Variants in MAPK8IP3 observed in about 807,000 individuals in gnomAD.
The protein encoded by MAPK8IP3 is C-Jun-amino-terminal kinase-interacting protein 3.
Under a neutral mutation model 157.8 loss-of-function variants are expected in MAPK8IP3, and 49 were observed. That is an observed-to-expected ratio of 0.31 (90% confidence interval 0.25 to 0.39). The LOEUF is 0.39. Among genes scored for constraint, MAPK8IP3 ranks in the 10% least tolerant of loss-of-function variants. MAPK8IP3 has a pLI of 1.00. For synonymous variants in MAPK8IP3, 897 were observed against 777.7 expected (o/e 1.15, Z -2.55); for missense variants, 1,478 against 1,889.4 (o/e 0.78, Z 4.04).
In MAPK8IP3 at chr16:1,742,851, G is replaced by A. The variant is rs1567177455; in HGVS notation, c.603-481G>A. 1.3e-5 allele frequency among the ~76,000 whole-genome samples: 2 copies of A among 152,102 alleles called. No individual in the cohort carries two copies. The highest frequency in any genetic ancestry group is 1.5e-5 in the Non-Finnish European group (1 of 68,024). Reference sequence around the variant, plus strand: ...TTAAAATTGAACTTAGGCCGGGCGCGGTGGCTCACGCCTGTAATCCCAGCA... The same window carrying A: ...TTAAAATTGAACTTAGGCCGGGCGCAGTGGCTCACGCCTGTAATCCCAGCA... On this transcript the variant is annotated intron_variant, in intron 4 of 31. Transcript: ENST00000610761. This position sits in a 1 kb window ranked among gnomAD's most constrained non-coding sequence, Gnocchi z 5.0.
intron 5 of MAPK8IP3, chr16:1,744,964 T>C: frequency 2.0e-6 from 2 of 984,872 alleles, no homozygotes; most frequent in South Asian, 9.4e-5. Flanking sequence ...TGTTTTTATG[T>C]ACTGTATTTT....
In MAPK8IP3 at chr16:1,767,129, G is replaced by A. The variant is rs2042317627; in HGVS notation, c.3089-20G>A. 6 of 1,612,346 alleles carry A rather than the reference G, an allele frequency of 3.7e-6. No individual in the cohort carries two copies. Among genetic ancestry groups the A allele is most frequent in the Non-Finnish European group, 4.2e-6 (5 of 1,179,592 alleles). On this transcript the variant is annotated intron_variant, in intron 25 of 31. Coordinates refer to ENST00000610761, the MANE Select transcript of MAPK8IP3 (RefSeq NM_001318852.2). ...GTGGGGCCTGGCCAGGCCTGAGCAG[G>A]TGTCCGGGGCTCCCTCCAGATGGCC... is the stretch of plus-strand genomic sequence containing the variant.
intron 1 of MAPK8IP3, among the ~76,000 whole-genome samples, chr16:1,714,684 G>T (rs927435331): frequency 6.6e-6 from 1 of 152,002 alleles, no homozygotes; most frequent in Admixed American, 6.6e-5. Context: ...CCAGATATAC[G>T]CACAGTCCCA....
chr16:1,761,333 C>G, intron 13 of MAPK8IP3, 28 bp downstream of exon 13: 2 of 1,595,016 alleles, frequency 1.3e-6, no homozygotes, highest in Non-Finnish European at 1.7e-6. Flanking sequence ...TCTTCACATG[C>G]GGGGCGTCCA....
Position 1,743,674 on chromosome 16 carries a change from T to C in MAPK8IP3, c.747+198T>C. 1 of 1,416,372 alleles carries C rather than the reference T, an allele frequency of 7.1e-7. No homozygotes were observed. The highest frequency in any genetic ancestry group is 9.1e-7 in the Non-Finnish European group (1 of 1,093,948). The allele number at this position is 1,416,372 out of a possible 1,614,324, so 87.7% of individuals were successfully genotyped here. On this transcript the variant is annotated intron_variant, in intron 5 of 31. Transcript: ENST00000610761. The surrounding 1 kb of genome is among the most constrained non-coding windows in gnomAD (Gnocchi z 5.6). ...CTGCCCAGCAGGCCCTGTGTGGCTG[T>C]GGCTGTTCCACGCGGCCTCGTGTCG...
intron 8 of MAPK8IP3, among the ~76,000 whole-genome samples, chr16:1,750,097 T>C (rs1295423145): frequency 2.0e-5 from 3 of 152,184 alleles, no homozygotes; most frequent in Non-Finnish European, 4.4e-5. Context: ...TGCAAAAATA[T>C]ATATAAAAAA....
Position 1,706,607 on chromosome 16 carries a change from C to T in MAPK8IP3, c.268C>T (p.Leu90=). ...GCTGCTGCGCGAGGACAACGAGCAG[C>T]TGCTCACCCAGTACGAGCGTGAGAA... ...LELLREDNEQ[L]LTQYEREKAL... The change falls in exon 1 of 32, where the codon CTG becomes TTG. Residue 90 remains leucine, a synonymous_variant. Coordinates refer to ENST00000610761, the MANE Select transcript of MAPK8IP3 (RefSeq NM_001318852.2). The surrounding 1 kb of genome is among the most constrained non-coding windows in gnomAD (Gnocchi z 5.1). The T allele has an allele frequency of 6.2e-7, 1 of 1,600,520 alleles. No individual in the cohort carries two copies. The highest frequency in any genetic ancestry group is 8.5e-7 in the Non-Finnish European group (1 of 1,173,958).
intron 2 of MAPK8IP3, among the ~76,000 whole-genome samples, chr16:1,726,519 A>G (rs925918969): frequency 6.6e-6 from 1 of 152,162 alleles, no homozygotes; most frequent in African/African-American, 2.4e-5. Context: ...TACAAAAAAT[A>G]CAAAAATTAG....
In MAPK8IP3 at chr16:1,751,172, G is replaced by A. The variant is rs1438835733; in HGVS notation, c.1216+2452G>A. ...GTCCCCATTTATAGATGAAGAAACT[G>A]AGGCCGGGCACAGTGGCTCATGCCC... is the stretch of plus-strand genomic sequence containing the variant. On this transcript the variant is annotated intron_variant, in intron 8 of 31. Transcript: ENST00000610761. This position sits in a 1 kb window ranked among gnomAD's most constrained non-coding sequence, Gnocchi z 5.0. 6.6e-6 allele frequency among the ~76,000 whole-genome samples: 1 copy of A among 152,044 alleles called. No homozygotes were observed. The highest frequency in any genetic ancestry group is 1.9e-4 in the East Asian group (1 of 5,136).
rs186393402 is a variant in MAPK8IP3, at chr16:1,767,391, G to A, written c.3237+94G>A. The A allele has an allele frequency of 9.2e-5, 143 of 1,558,316 alleles. 1 individual carries two copies. The highest frequency in any genetic ancestry group is 1.1e-4 in the East Asian group (5 of 44,316). ...CATACGGAAGTCCACGAGGCCCTAC[G>A]TGGGTCCCATCTCCCCTGTACCACC... On this transcript the variant is annotated intron_variant, in intron 26 of 31. Transcript: ENST00000610761.
intron 4 of MAPK8IP3, among the ~76,000 whole-genome samples, chr16:1,737,137 TGTGACCATCC>T (rs1196959810): frequency 2.2e-5 from 2 of 90,922 alleles, no homozygotes; most frequent in African/African-American, 8.7e-5. Flanking sequence ...CGTGTGAGCA[TGTGACCATCC>T]GTGACCGTCC....
chr16:1,724,705 G>A lies in MAPK8IP3; in HGVS notation c.439+28G>A, dbSNP rs200561171. 53 of 1,604,508 alleles carry A rather than the reference G, an allele frequency of 3.3e-5. No homozygotes were observed. Among genetic ancestry groups the A allele is most frequent in the African/African-American group, 2.5e-4 (19 of 74,918 alleles). On this transcript the variant is annotated intron_variant, in intron 2 of 31. Transcript: ENST00000610761. The surrounding 1 kb of genome is among the most constrained non-coding windows in gnomAD (Gnocchi z 4.1). ...AAGTGGCTGGCGGGAGCCTGGAGGC[G>A]CGCTTGATGGGCGCTGCTCTGGGAC...
At chr16:1,764,909 A>T in intron 19 of MAPK8IP3, 104 bp from the exon 20 acceptor site, 1 of 1,148,472 alleles carries the variant, frequency 8.7e-7, no homozygotes, top group Non-Finnish European at 1.2e-6. Context: ...CTCAAGCTGT[A>T]GTCAAGGCTG....
chr16:1,709,753 G>A (rs1448168756), intron 1 of MAPK8IP3, among the ~76,000 whole-genome samples: 1 of 152,258 alleles, frequency 6.6e-6, no homozygotes, highest in Non-Finnish European at 1.5e-5. Flanking sequence ...GAGCCACCAC[G>A]TTTGCCGGGC....
At chr16:1,753,863 G>T (rs965620749) in intron 8 of MAPK8IP3, among the ~76,000 whole-genome samples, 2 of 151,980 alleles carry the variant, frequency 1.3e-5, no homozygotes, top group African/African-American at 4.8e-5. Context: ...GGAAAAAAAT[G>T]TACGTCTTAG....
At chr16:1,752,226 C>A in intron 8 of MAPK8IP3, 1 of 166,964 alleles carries the variant, frequency 6.0e-6, no homozygotes, top group South Asian at 1.1e-4. Context: ...GTGAGGCAGT[C>A]CTTTTCTCAT....
In MAPK8IP3 at chr16:1,768,885, G is replaced by A. The variant is rs562852845; in HGVS notation, c.*61G>A. ...ACCCCCGACCACCTGACCCCCGCCC[G>A]GCCCGCGGGGTAGCCAGCCAGGCGC... On this transcript the variant is annotated 3_prime_UTR_variant, in exon 32 of 32. Transcript: ENST00000610761. 417 of 1,582,102 alleles carry A rather than the reference G, an allele frequency of 2.6e-4. No individual in the cohort carries two copies. Among genetic ancestry groups the A allele is most frequent in the Non-Finnish European group, 3.2e-4 (372 of 1,164,588 alleles).
At position 1,716,095 on chromosome 16, in the gene MAPK8IP3, C is replaced by G. The variant is rs1035107628; in HGVS notation, c.319-8462C>G. Among the ~76,000 whole-genome samples the G allele has an allele frequency of 3.9e-5, 6 of 152,254 alleles. No individual in the cohort carries two copies. The East Asian group carries it at 9.7e-4, about 24-fold the overall frequency. On this transcript the variant is annotated intron_variant, in intron 1 of 31. Coordinates refer to ENST00000610761, the MANE Select transcript of MAPK8IP3 (RefSeq NM_001318852.2). ...CATGGGTTGTGAAAGTTACCAAAAG[C>G]CTGTTGATCGCCCTGTGAAAGAACT...
chr16:1,746,541 A>C, intron 5 of MAPK8IP3: 1 of 163,842 alleles, frequency 6.1e-6, no homozygotes, highest in Non-Finnish European at 1.3e-5. Flanking sequence ...CCGGGGAGGA[A>C]CGTGGGGCAG....
Sources: gnomAD v4.1 joint callset for allele counts (sites outside exome capture counted in the v4.1 genomes callset) on GRCh38, gnomAD v4.1.1 for gene constraint, Gnocchi (gnomAD v3.1) non-coding constraint, MANE v1.5 for transcripts, NCBI Gene and HGNC (gene_info 2026-07-23, HGNC 2026-07-21) for gene names.